SAMMSON: variants seen among roughly 807,000 people sequenced by gnomAD.
SAMMSON encodes the protein long intergenic non-protein coding RNA 1212.
intron 4 of SAMMSON, among the ~76,000 whole-genome samples, chr3:70,226,147 G>A (rs1247540524): frequency 1.3e-5 from 2 of 152,236 alleles, no homozygotes; most frequent in Admixed American, 1.3e-4. Flanking sequence ...ATTTGAAGGA[G>A]GACAGTAATC....
rs75423515 is a variant in SAMMSON, at chr3:70,348,957, C to A, written n.740-5218C>A. Among the ~76,000 whole-genome samples, 1,190 of 152,160 alleles carry A rather than the reference C, an allele frequency of 7.8e-3. 18 individuals carry two copies. Among genetic ancestry groups the A allele is most frequent in the African/African-American group, 0.028 (1,151 of 41,488 alleles). On this transcript the variant is annotated intron_variant and non_coding_transcript_variant, in intron 7 of 9. Coordinates refer to ENST00000642114, the Ensembl canonical transcript of SAMMSON. ...TTTTCAGGCCCTGTTACCCAGGGAGCAGGTCAAGCATCCACCCATCACCAA... is the reference window on the plus strand; with the variant it reads ...TTTTCAGGCCCTGTTACCCAGGGAGAAGGTCAAGCATCCACCCATCACCAA...
intron 4 of SAMMSON, among the ~76,000 whole-genome samples, chr3:70,202,663 T>C (rs1265388296): frequency 1.3e-5 from 2 of 152,098 alleles, no homozygotes; most frequent in Non-Finnish European, 2.9e-5. Flanking sequence ...TCAACAGTGG[T>C]GTTTTGCTGG....
chr3:70,290,570 A>C (rs992077519), intron 6 of SAMMSON, among the ~76,000 whole-genome samples: 8 of 152,138 alleles, frequency 5.3e-5, no homozygotes, highest in African/African-American at 1.9e-4. Context: ...GGCCTCCTTG[A>C]GCTGTGGTGG....
In SAMMSON at chr3:70,032,493, A is replaced by G. The variant is rs375110028; in HGVS notation, n.417+18821A>G. 4.9e-4 allele frequency among the ~76,000 whole-genome samples: 74 copies of G among 152,346 alleles called. 1 individual carries two copies. Among genetic ancestry groups the G allele is most frequent in the African/African-American group, 1.7e-3 (70 of 41,584 alleles). On this transcript the variant is annotated intron_variant and non_coding_transcript_variant, in intron 3 of 9. Transcript: ENST00000642114. ...CTTTACTTAGTATTTCTTAAATTAC[A>G]AAGGCTGGGAAGAAAACAACTTTAC...
chr3:70,269,676 G>A (rs1170698286), intron 6 of SAMMSON, among the ~76,000 whole-genome samples: 2 of 152,108 alleles, frequency 1.3e-5, no homozygotes, highest in African/African-American at 2.4e-5. Context: ...AGCAGAAAAT[G>A]TACTAGCTAT....
chr3:70,153,989 A>G (rs1290961790), intron 4 of SAMMSON, among the ~76,000 whole-genome samples: 2 of 151,972 alleles, frequency 1.3e-5, no homozygotes, highest in African/African-American at 4.8e-5. Context: ...TTCACTTAGC[A>G]TAATGTCTTG....
intron 8 of SAMMSON, among the ~76,000 whole-genome samples, chr3:70,357,818 G>A (rs181570871): frequency 2.0e-5 from 3 of 152,240 alleles, no homozygotes; most frequent in East Asian, 3.9e-4. Flanking sequence ...GACAAAATGT[G>A]TCAAATTTAT....
chr3:70,102,895 A>G (rs1366259429), intron 4 of SAMMSON, among the ~76,000 whole-genome samples: 1 of 152,110 alleles, frequency 6.6e-6, no homozygotes, highest in East Asian at 1.9e-4. Context: ...TCTCTTATGT[A>G]CAGTGCCTCT....
At chr3:70,278,363 A>G (rs571576316) in intron 6 of SAMMSON, among the ~76,000 whole-genome samples, 1 of 152,328 alleles carries the variant, frequency 6.6e-6, no homozygotes, top group East Asian at 1.9e-4. Context: ...GTAGTTGGAT[A>G]TTATGACTGA....
chr3:70,137,503 G>A (rs1444746818), intron 4 of SAMMSON: 2 of 152,092 alleles, frequency 1.3e-5, no homozygotes, highest in Non-Finnish European at 2.9e-5. Flanking sequence ...ACACAATCAT[G>A]CTCATTTTTT....
intron 4 of SAMMSON, among the ~76,000 whole-genome samples, chr3:70,242,751 G>A (rs965522259): frequency 2.6e-5 from 4 of 152,126 alleles, no homozygotes; most frequent in Admixed American, 1.3e-4. Context: ...AGCTGTGCAT[G>A]TACATTTCCT....
intron 4 of SAMMSON, among the ~76,000 whole-genome samples, chr3:70,186,621 T>A (rs1391857459): frequency 1.3e-5 from 2 of 151,912 alleles, no homozygotes; most frequent in Admixed American, 1.3e-4. Flanking sequence ...TTGAAAGGGG[T>A]TTCATTGATG....
intron 3 of SAMMSON, among the ~76,000 whole-genome samples, chr3:70,024,465 A>G (rs1179947423): frequency 3.9e-5 from 6 of 152,338 alleles, no homozygotes; most frequent in East Asian, 3.9e-4. Context: ...CTCATCATAT[A>G]CCACCAAATG....
Position 70,380,683 on chromosome 3 carries a change from C to T in SAMMSON, n.914-8891C>T, listed in dbSNP as rs1703058518. Among the ~76,000 whole-genome samples the T allele has an allele frequency of 2.0e-5, 3 of 151,908 alleles. No individual in the cohort carries two copies. The South Asian group carries it at 6.2e-4, about 32-fold the overall frequency. ...CATTAGGTATATCTCCTAATGCTAT[C>T]CCTCCCCTCTCCCCCCTACCCCACA... On this transcript the variant is annotated intron_variant and non_coding_transcript_variant, in intron 9 of 9. Transcript: ENST00000642114.
intron 4 of SAMMSON, among the ~76,000 whole-genome samples, chr3:70,073,079 T>A (rs567573518): frequency 6.6e-6 from 1 of 152,122 alleles, no homozygotes; most frequent in African/African-American, 2.4e-5. Flanking sequence ...AGAACCCTAC[T>A]CTTTGTTTTA....
At chr3:70,192,655 C>T (rs1008276783) in intron 4 of SAMMSON, among the ~76,000 whole-genome samples, 15 of 152,270 alleles carry the variant, frequency 9.9e-5, no homozygotes, top group Middle Eastern at 3.4e-3. Flanking sequence ...TTAGAACTAG[C>T]GTTGCCAGAT....
chr3:70,135,110 GGT>G (rs1286811604), intron 4 of SAMMSON, among the ~76,000 whole-genome samples: 10 of 152,044 alleles, frequency 6.6e-5, no homozygotes, highest in Admixed American at 5.9e-4. Flanking sequence ...GTATAAAGGT[GGT>G]GAGAGACAAT....
intron 1 of SAMMSON, among the ~76,000 whole-genome samples, chr3:70,005,002 C>A (rs1206972194): frequency 6.6e-6 from 1 of 152,180 alleles, no homozygotes; most frequent in African/African-American, 2.4e-5. Flanking sequence ...AGTGGCAGAG[C>A]CCGGGCTGGA....
At chr3:70,402,158 G>A (rs1701146063) in intron 2 of SAMMSON, among the ~76,000 whole-genome samples, 1 of 152,208 alleles carries the variant, frequency 6.6e-6, no homozygotes, top group African/African-American at 2.4e-5. Context: ...AGGGGAATGT[G>A]TGGTTGTTAG....
Sources: gnomAD v4.1 joint callset for allele counts (sites outside exome capture counted in the v4.1 genomes callset) on GRCh38, gnomAD v4.1.1 for gene constraint, MANE v1.5 for transcripts, NCBI Gene and HGNC (gene_info 2026-07-23, HGNC 2026-07-21) for gene names.